RHBDD1: variants seen among roughly 807,000 people sequenced by gnomAD.
The protein encoded by RHBDD1 is rhomboid-related protein 4.
A neutral mutation model predicts 36.3 loss-of-function variants in RHBDD1; 38 were observed. The ratio of observed to expected loss-of-function variants is 1.05; its 90% CI spans 0.81 to 1.37. The LOEUF is 1.37. RHBDD1 is among the 40% of genes most tolerant of loss of function. The pLI, the probability that RHBDD1 is intolerant of heterozygous loss-of-function variation, is 0.00. For synonymous variants in RHBDD1, 151 were observed against 136.5 expected (o/e 1.11, Z -0.74); for missense variants, 393 against 377.6 (o/e 1.04, Z -0.34).
At chr2:226,883,391 C>A (rs532445679) in intron 5 of RHBDD1, among the ~76,000 whole-genome samples, 1 of 152,310 alleles carries the variant, frequency 6.6e-6, no homozygotes, top group Non-Finnish European at 1.5e-5. Flanking sequence ...CTATACCAAC[C>A]AGAGGGGGCC....
intron 3 of RHBDD1, among the ~76,000 whole-genome samples, chr2:226,846,974 G>T (rs1942294118): frequency 6.6e-6 from 1 of 152,188 alleles, no homozygotes; most frequent in Non-Finnish European, 1.5e-5. Context: ...TGGAAGGAGG[G>T]TTTTGTCAAG....
chr2:226,937,082 C>T (rs1169433063), intron 8 of RHBDD1, among the ~76,000 whole-genome samples: 6 of 152,040 alleles, frequency 3.9e-5, no homozygotes, highest in African/African-American at 1.4e-4. Context: ...AATTTTTAGC[C>T]TCAGAAGTTT....
the RHBDD1 span, among the ~76,000 whole-genome samples, chr2:226,815,944 T>C: frequency 6.6e-6 from 1 of 152,232 alleles, no homozygotes; most frequent in Non-Finnish European, 1.5e-5. Flanking sequence ...TAACAGAATC[T>C]ATTTATTGCT....
intron 8 of RHBDD1, among the ~76,000 whole-genome samples, chr2:226,928,011 T>C (rs1949780664): frequency 6.6e-6 from 1 of 152,116 alleles, no homozygotes; most frequent in East Asian, 1.9e-4. Flanking sequence ...AAGAATCTTT[T>C]GATGTAACCC....
rs751114696 is a variant in RHBDD1, at chr2:226,908,786, G to A, written c.656-36G>A. On this transcript the variant is annotated intron_variant, in intron 6 of 8. Coordinates refer to ENST00000392062, the MANE Select transcript of RHBDD1 (RefSeq NM_001167608.3). ...GAACAATTAGCATTTAAAGCTTTATGGCTGCCATTAAAATGTTTATTTCTT... is the reference window on the plus strand; with the variant it reads ...GAACAATTAGCATTTAAAGCTTTATAGCTGCCATTAAAATGTTTATTTCTT... 76 of 1,450,946 alleles carry A rather than the reference G, an allele frequency of 5.2e-5. 1 individual carries two copies. Among genetic ancestry groups the A allele is most frequent in the Non-Finnish European group, 5.7e-5 (59 of 1,032,226 alleles). The allele number at this position is 1,450,946 out of a possible 1,614,324, so 89.9% of individuals were successfully genotyped here.
At chr2:226,815,855 T>A in the RHBDD1 span, among the ~76,000 whole-genome samples, 1 of 152,240 alleles carries the variant, frequency 6.6e-6, no homozygotes, top group Non-Finnish European at 1.5e-5. Flanking sequence ...CTACTAAAGG[T>A]TAAATTTTCT....
chr2:226,938,911 C>A (rs187408248), intron 8 of RHBDD1, among the ~76,000 whole-genome samples: 9 of 152,256 alleles, frequency 5.9e-5, no homozygotes, highest in African/African-American at 2.2e-4. Context: ...TCCAGCAGCA[C>A]ATCAAAAAGC....
intron 5 of RHBDD1, among the ~76,000 whole-genome samples, chr2:226,896,462 C>A (rs1947102970): frequency 6.6e-6 from 1 of 152,190 alleles, no homozygotes; most frequent in African/African-American, 2.4e-5. Context: ...GCAGTCCTAT[C>A]AAGATCTGTT....
upstream of RHBDD1, among the ~76,000 whole-genome samples, chr2:226,832,989 GA>G (rs1390304442): frequency 6.6e-6 from 1 of 151,930 alleles, no homozygotes; most frequent in Non-Finnish European, 1.5e-5. Context: ...TCAAAAAAAA[GA>G]AAAAAGAAAA....
intron 8 of RHBDD1, among the ~76,000 whole-genome samples, chr2:226,938,865 A>G (rs1343271596): frequency 6.6e-6 from 1 of 152,232 alleles, no homozygotes; most frequent in Non-Finnish European, 1.5e-5. Context: ...ATGAACATCA[A>G]TGCAAAAATC....
At chr2:226,823,721 A>G in the RHBDD1 span, among the ~76,000 whole-genome samples, 1 of 152,188 alleles carries the variant, frequency 6.6e-6, no homozygotes. Context: ...ATCAACAGAT[A>G]TTTGGGCAAT....
intron 5 of RHBDD1, among the ~76,000 whole-genome samples, chr2:226,896,843 C>T (rs1947136465): frequency 6.6e-6 from 1 of 152,052 alleles, no homozygotes; most frequent in Admixed American, 6.6e-5. Context: ...CCCACTATCA[C>T]CCAGGCTGGA....
chr2:226,992,707 T>C (rs1043499236), intron 8 of RHBDD1, among the ~76,000 whole-genome samples: 21 of 152,182 alleles, frequency 1.4e-4, no homozygotes, highest in Non-Finnish European at 2.8e-4. Context: ...CACATGTCCA[T>C]ATCCATGAAG....
chr2:226,962,599 C>A (rs1411896142), intron 8 of RHBDD1, among the ~76,000 whole-genome samples: 1 of 152,152 alleles, frequency 6.6e-6, no homozygotes, highest in South Asian at 2.1e-4. Context: ...GAGGATTTTA[C>A]TGAAATTAAT....
intron 8 of RHBDD1, among the ~76,000 whole-genome samples, chr2:226,979,221 G>T (rs546209681): frequency 1.3e-5 from 2 of 152,174 alleles, no homozygotes; most frequent in South Asian, 4.1e-4. Flanking sequence ...TGAAGAAACT[G>T]CAGTCTCATT....
chr2:226,966,964 A>G (rs1952685349), intron 8 of RHBDD1, among the ~76,000 whole-genome samples: 1 of 152,072 alleles, frequency 6.6e-6, no homozygotes, highest in Admixed American at 6.6e-5. Flanking sequence ...AGCTCTGCAG[A>G]TGATTCTGTT....
intron 8 of RHBDD1, among the ~76,000 whole-genome samples, chr2:226,991,183 T>C (rs1472396184): frequency 5.3e-5 from 8 of 152,184 alleles, no homozygotes; most frequent in African/African-American, 1.4e-4. Context: ...TTTTGTCATT[T>C]TATATATCTC....
intron 5 of RHBDD1, 153 bp from the exon 6 acceptor site, chr2:226,906,640 G>A: frequency 6.8e-7 from 1 of 1,476,872 alleles, no homozygotes; most frequent in Non-Finnish European, 9.0e-7. Flanking sequence ...GTTGTTCTTT[G>A]GACTGAGTTA....
the RHBDD1 span, among the ~76,000 whole-genome samples, chr2:226,801,188 T>C: frequency 6.6e-6 from 1 of 152,144 alleles, no homozygotes; most frequent in Non-Finnish European, 1.5e-5. Context: ...GCGCTGGGCA[T>C]GCTCAGTGGC....
Sources: gnomAD v4.1 joint callset for allele counts (sites outside exome capture counted in the v4.1 genomes callset) on GRCh38, gnomAD v4.1.1 for gene constraint, MANE v1.5 for transcripts, NCBI Gene and HGNC (gene_info 2026-07-23, HGNC 2026-07-21) for gene names.